MYO16: variants seen among roughly 807,000 people sequenced by gnomAD.
MYO16 encodes unconventional myosin-XVI.
A neutral mutation model predicts 205.3 loss-of-function variants in MYO16; 94 were observed. The observed-to-expected ratio is 0.46, with a 90% CI of 0.39 to 0.54. MYO16 has a LOEUF of 0.54. MYO16 is among the 20% of genes least tolerant of loss of function. The pLI is 0.00. For synonymous variants in MYO16, 988 were observed against 954.0 expected (o/e 1.04, Z -0.66); for missense variants, 2,315 against 2,387.5 (o/e 0.97, Z 0.63).
chr13:108,885,809 G>C (rs1016104800), intron 13 of MYO16, among the ~76,000 whole-genome samples: 1 of 152,180 alleles, frequency 6.6e-6, no homozygotes, highest in African/African-American at 2.4e-5. Context: ...GGGGAGAAAA[G>C]GAGGAGCAGC....
At chr13:108,503,427 G>A in the MYO16 span, among the ~76,000 whole-genome samples, 1 of 150,092 alleles carries the variant, frequency 6.7e-6, no homozygotes, top group Non-Finnish European at 1.5e-5. Context: ...CTTCATCAAG[G>A]AGAAGAAGCT....
At chr13:109,171,344 A>T (rs905630058) in intron 33 of MYO16, among the ~76,000 whole-genome samples, 1 of 152,254 alleles carries the variant, frequency 6.6e-6, no homozygotes, top group African/African-American at 2.4e-5. Context: ...CAGCCAATGC[A>T]CTTTCTAAAT....
intron 9 of MYO16, among the ~76,000 whole-genome samples, chr13:108,828,614 C>T (rs777508719): frequency 1.1e-4 from 16 of 152,128 alleles, no homozygotes; most frequent in South Asian, 4.2e-4. Context: ...GGTGAGATGA[C>T]GCAGGGTAGG....
chr13:109,009,212 T>A (rs1474126025), intron 22 of MYO16, among the ~76,000 whole-genome samples, 163 bp downstream of exon 22: 1 of 152,220 alleles, frequency 6.6e-6, no homozygotes, highest in Non-Finnish European at 1.5e-5. Flanking sequence ...TATCTTTTTA[T>A]GAAAGGACAT....
At chr13:108,633,283 C>A (rs1049613008) in intron 1 of MYO16, among the ~76,000 whole-genome samples, 16 of 152,090 alleles carry the variant, frequency 1.1e-4, no homozygotes, top group African/African-American at 3.6e-4. Context: ...AAGGTGAGGT[C>A]CCACAATAGG....
chr13:108,791,695 C>T (rs1298141540), intron 5 of MYO16, among the ~76,000 whole-genome samples: 1 of 152,130 alleles, frequency 6.6e-6, no homozygotes, highest in Non-Finnish European at 1.5e-5. Flanking sequence ...TTGAAGTGCC[C>T]CATGGGGAGA....
At chr13:109,206,172 T>C (rs1254802400) in intron 34 of MYO16, among the ~76,000 whole-genome samples, 1 of 152,158 alleles carries the variant, frequency 6.6e-6, no homozygotes, top group East Asian at 1.9e-4. Context: ...TGTTTGACTA[T>C]TAACTATGTG....
chr13:109,168,810 C>T (rs1254430112), intron 33 of MYO16, among the ~76,000 whole-genome samples: 1 of 152,132 alleles, frequency 6.6e-6, no homozygotes, highest in Non-Finnish European at 1.5e-5. Context: ...AATATTTTAA[C>T]TAATGACAAT....
chr13:109,101,004 G>A (rs572085682), intron 28 of MYO16, 117 bp downstream of exon 28: 3 of 816,516 alleles, frequency 3.7e-6, no homozygotes, highest in South Asian at 3.3e-5. Context: ...GATGTGTTTG[G>A]CAAGGCGTGA....
In MYO16 at chr13:109,179,513, T is replaced by C. The variant is rs1879364582; in HGVS notation, c.5324-29T>C. On this transcript the variant is annotated intron_variant, in intron 33 of 34. Coordinates refer to ENST00000457511, the MANE Select transcript of MYO16 (RefSeq NM_001198950.3). ...TTATTTGGAACAAGGAGACACTGCTTAACTCCCGATTTGTGTTGACCTCAA... is the reference window on the plus strand; with the variant it reads ...TTATTTGGAACAAGGAGACACTGCTCAACTCCCGATTTGTGTTGACCTCAA... The C allele has an allele frequency of 2.7e-6, 4 of 1,482,230 alleles. No individual in the cohort carries two copies. The African/African-American group carries it at 4.2e-5, about 15-fold the overall frequency. 91.8% of individuals were successfully genotyped at this position (1,482,230 alleles called of 1,614,324 possible). A position where few individuals can be genotyped will look rare whatever the true frequency, so the allele number is the denominator to read the frequency against.
intron 1 of MYO16, among the ~76,000 whole-genome samples, chr13:108,630,522 A>G (rs1301661214): frequency 6.6e-6 from 1 of 152,232 alleles, no homozygotes. Context: ...TTTCTGAGCT[A>G]GAGAATACTT....
At chr13:108,618,889 A>G (rs368015619) in intron 1 of MYO16, among the ~76,000 whole-genome samples, 10 of 152,208 alleles carry the variant, frequency 6.6e-5, no homozygotes, top group African/African-American at 2.4e-4. Flanking sequence ...AATTCAACCA[A>G]TCTTAATGTA....
upstream of MYO16, among the ~76,000 whole-genome samples, chr13:108,592,829 A>C (rs981969834): frequency 5.3e-5 from 8 of 151,816 alleles, no homozygotes; most frequent in African/African-American, 1.9e-4. Context: ...TCAACAGTAC[A>C]TGATGACAAT....
At chr13:108,949,684 T>C (rs755628021) in intron 16 of MYO16, among the ~76,000 whole-genome samples, 51 of 152,144 alleles carry the variant, frequency 3.4e-4, no homozygotes, top group Non-Finnish European at 5.3e-4. Context: ...CTAAAATTTG[T>C]ATGTAAAGGC....
chr13:109,040,385 C>CACACACAGAGAG lies in MYO16; in HGVS notation c.2797-6530_2797-6529insCACACAGAGAGA, dbSNP rs1394314811. On this transcript the variant is annotated intron_variant, in intron 23 of 34. Coordinates refer to ENST00000457511, the MANE Select transcript of MYO16 (RefSeq NM_001198950.3). The stretch of plus-strand genomic sequence containing the variant: ...ATACACACACACACACACACACACA[C>CACACACAGAGAG]AGAGAGAGAGAGAGAGAGAGAGAGA... Among the ~76,000 whole-genome samples, 74 of 113,282 alleles carry CACACACAGAGAG rather than the reference C, an allele frequency of 6.5e-4. No individual in the cohort carries two copies. In the South Asian group the frequency reaches 0.011, roughly 17 times the overall value. The allele number at this position is 113,282 out of a possible 152,430, so 74.3% of individuals were successfully genotyped here.
In MYO16 at chr13:108,957,365, AAGAGTGAAACTCCATCTC is replaced by A. The variant is rs1883398269; in HGVS notation, c.1926-321_1926-304del. On this transcript the variant is annotated intron_variant, in intron 16 of 34. Transcript: ENST00000457511. ...TGCACTGTGCTCCAGCCTGGATGAC[AAGAGTGAAACTCCATCTC>A]AAAAAAAAAAAAAAAAAACAAAAAC... is the stretch of plus-strand genomic sequence containing the variant. Among the ~76,000 whole-genome samples, 3 of 135,918 alleles carry A rather than the reference AAGAGTGAAACTCCATCTC, an allele frequency of 2.2e-5. No homozygotes were observed. In the South Asian group the frequency reaches 7.6e-4, roughly 34 times the overall value. The allele number at this position is 135,918 out of a possible 152,430, so 89.2% of individuals were successfully genotyped here. A position where few individuals can be genotyped will look rare whatever the true frequency, so the allele number is the denominator to read the frequency against.
chr13:108,790,263 T>C (rs1357348331), intron 5 of MYO16, among the ~76,000 whole-genome samples: 2 of 152,108 alleles, frequency 1.3e-5, no homozygotes, highest in Non-Finnish European at 2.9e-5. Context: ...AGAGGGACGG[T>C]TAAGGGAAGT....
intron 27 of MYO16, among the ~76,000 whole-genome samples, chr13:109,062,892 C>A (rs558958985): frequency 2.0e-5 from 3 of 152,016 alleles, no homozygotes; most frequent in African/African-American, 7.2e-5. Context: ...ATGTATTATC[C>A]CTATGCAAAA....
At chr13:108,510,177 C>T in the MYO16 span, among the ~76,000 whole-genome samples, 141 of 152,188 alleles carry the variant, frequency 9.3e-4, no homozygotes, top group African/African-American at 3.1e-3. Flanking sequence ...AGTGCAATGG[C>T]GCTATCTCGG....
Sources: allele counts gnomAD v4.1 joint callset (sites outside exome capture counted in the v4.1 genomes callset), GRCh38; gene constraint gnomAD v4.1.1; transcripts MANE v1.5; gene names NCBI Gene and HGNC (gene_info 2026-07-23, HGNC 2026-07-21).